The following DRC11 variants were observed in gnomAD, a reference collection of about 807,000 sequenced individuals.
DRC11 encodes dynein regulatory complex subunit 11.
At chr2:236,384,691 T>C in the DRC11 span, among the ~76,000 whole-genome samples, 18 of 151,704 alleles carry the variant, frequency 1.2e-4, no homozygotes, top group Non-Finnish European at 2.7e-4. Flanking sequence ...AATTTTGGCT[T>C]TTGTTGCCAT....
the DRC11 span, among the ~76,000 whole-genome samples, chr2:236,475,196 T>G: frequency 2.3e-4 from 35 of 152,284 alleles, no homozygotes; most frequent in African/African-American, 8.2e-4. This position sits in a 1 kb window ranked among gnomAD's most constrained non-coding sequence, Gnocchi z 4.8. Flanking sequence ...GATCCACTTT[T>G]TTAGCTCCCA....
At chr2:236,363,406 T>C in the DRC11 span, among the ~76,000 whole-genome samples, 10 of 152,228 alleles carry the variant, frequency 6.6e-5, no homozygotes, top group Non-Finnish European at 1.3e-4. This position sits in a 1 kb window ranked among gnomAD's most constrained non-coding sequence, Gnocchi z 5.6. Context: ...TGCCATACCT[T>C]GGCAACCCAT....
At chr2:236,507,125 T>G in the DRC11 span, 1 of 825,328 alleles carries the variant, frequency 1.2e-6, no homozygotes, top group African/African-American at 1.8e-5. Flanking sequence ...GGAAAAAAAG[T>G]GGGGGAGAGG....
the DRC11 span, among the ~76,000 whole-genome samples, chr2:236,418,585 C>A: frequency 6.6e-6 from 1 of 151,148 alleles, no homozygotes; most frequent in South Asian, 2.1e-4. Flanking sequence ...CATGAAGACC[C>A]CCCCAGTTAT....
the DRC11 span, among the ~76,000 whole-genome samples, chr2:236,502,393 A>G: frequency 6.6e-6 from 1 of 151,792 alleles, no homozygotes; most frequent in African/African-American, 2.4e-5. Context: ...CCTGGCTAAC[A>G]TGGTGAAAAC....
At chr2:236,417,317 C>T in the DRC11 span, among the ~76,000 whole-genome samples, 9 of 152,290 alleles carry the variant, frequency 5.9e-5, no homozygotes, top group South Asian at 1.9e-3. Flanking sequence ...CCTTTTCTCT[C>T]TCACTGTGAC....
the DRC11 span, among the ~76,000 whole-genome samples, chr2:236,478,800 C>CT: frequency 5.8e-3 from 808 of 138,736 alleles, 5 homozygotes; most frequent in African/African-American, 0.017. The surrounding 1 kb of genome is among the most constrained non-coding windows in gnomAD (Gnocchi z 5.9). Context: ...TTTTTGGGTT[C>CT]TTTTTTTTTT....
chr2:236,314,347 T>G, the DRC11 span, among the ~76,000 whole-genome samples: 2 of 152,226 alleles, frequency 1.3e-5, no homozygotes, highest in Non-Finnish European at 2.9e-5. This position sits in a 1 kb window ranked among gnomAD's most constrained non-coding sequence, Gnocchi z 4.5. Flanking sequence ...TGATAAAGTA[T>G]AGTTTCAAAA....
At chr2:236,460,336 C>T in the DRC11 span, among the ~76,000 whole-genome samples, 26 of 152,264 alleles carry the variant, frequency 1.7e-4, no homozygotes, top group African/African-American at 5.8e-4. This position sits in a 1 kb window ranked among gnomAD's most constrained non-coding sequence, Gnocchi z 4.0. Context: ...CGTCCATAAA[C>T]GCTGGGACAA....
the DRC11 span, among the ~76,000 whole-genome samples, chr2:236,412,116 G>C: frequency 6.6e-6 from 1 of 152,188 alleles, no homozygotes; most frequent in South Asian, 2.1e-4. Context: ...GGCTGGTCTC[G>C]AACTTCTGGA....
the DRC11 span, among the ~76,000 whole-genome samples, chr2:236,465,062 C>G: frequency 6.6e-6 from 1 of 152,154 alleles, no homozygotes; most frequent in Non-Finnish European, 1.5e-5. The surrounding 1 kb of genome is among the most constrained non-coding windows in gnomAD (Gnocchi z 6.2). Flanking sequence ...CCACCTAACA[C>G]ACCATCATTC....
At chr2:236,412,045 A>G in the DRC11 span, among the ~76,000 whole-genome samples, 1 of 151,686 alleles carries the variant, frequency 6.6e-6, no homozygotes, top group Non-Finnish European at 1.5e-5. Context: ...TTAAAGTATA[A>G]TAATAAAAAA....
the DRC11 span, among the ~76,000 whole-genome samples, chr2:236,413,673 C>A: frequency 4.2e-4 from 64 of 152,136 alleles, 7 homozygotes; most frequent in Non-Finnish European, 1.5e-5. This position sits in a 1 kb window ranked among gnomAD's most constrained non-coding sequence, Gnocchi z 4.0. Context: ...TATAAAGGTC[C>A]AAGGGTCTTT....
chr2:236,316,530 G>C, the DRC11 span, among the ~76,000 whole-genome samples: 1 of 152,156 alleles, frequency 6.6e-6, no homozygotes, highest in African/African-American at 2.4e-5. The surrounding 1 kb of genome is among the most constrained non-coding windows in gnomAD (Gnocchi z 6.8). Flanking sequence ...TCACAACCAT[G>C]CACCTGCAAA....
the DRC11 span, among the ~76,000 whole-genome samples, chr2:236,364,373 T>A: frequency 6.7e-6 from 1 of 148,774 alleles, no homozygotes; most frequent in Non-Finnish European, 1.5e-5. Context: ...GGAAGAGGAA[T>A]GTGGAGACAT....
At chr2:236,368,674 T>C in the DRC11 span, 5 of 176,890 alleles carry the variant, frequency 2.8e-5, no homozygotes, top group African/African-American at 9.5e-5. Context: ...TATATTCCAA[T>C]AGATTATGTA....
chr2:236,409,642 T>C, the DRC11 span, among the ~76,000 whole-genome samples: 2 of 152,080 alleles, frequency 1.3e-5, no homozygotes, highest in African/African-American at 4.8e-5. Flanking sequence ...CTTCCAATAC[T>C]ATGTTGAATA....
At chr2:236,482,287 A>C in the DRC11 span, among the ~76,000 whole-genome samples, 2 of 152,130 alleles carry the variant, frequency 1.3e-5, no homozygotes, top group Non-Finnish European at 2.9e-5. This position sits in a 1 kb window ranked among gnomAD's most constrained non-coding sequence, Gnocchi z 4.5. Flanking sequence ...TTATTTAACT[A>C]GATACATACT....
chr2:236,491,240 T>TATAC, the DRC11 span, among the ~76,000 whole-genome samples: 102 of 52,424 alleles, frequency 1.9e-3, 2 homozygotes, highest in African/African-American at 0.011. Context: ...TATATATATA[T>TATAC]ACACAGTATA....
Sources: allele counts gnomAD v4.1 joint callset (sites outside exome capture counted in the v4.1 genomes callset), GRCh38; gene constraint gnomAD v4.1.1; non-coding constraint Gnocchi (gnomAD v3.1); transcripts MANE v1.5; gene names NCBI Gene and HGNC (gene_info 2026-07-23, HGNC 2026-07-21).